Variants in DNAJC2 observed in about 807,000 individuals in gnomAD.
DNAJC2 encodes dnaJ homolog subfamily C member 2.
DNAJC2 carries 32 observed loss-of-function variants against 94.0 expected under a neutral mutation model. The ratio of observed to expected loss-of-function variants is 0.34; its 90% CI spans 0.26 to 0.46. DNAJC2 has a LOEUF of 0.46. Ranked by LOEUF, DNAJC2 falls within the 20% of genes least tolerant of loss-of-function variation. DNAJC2 has a pLI of 1.00. For synonymous variants in DNAJC2, 210 were observed against 229.7 expected (o/e 0.91, Z 0.77); for missense variants, 550 against 719.5 (o/e 0.76, Z 2.69).
At chr7:103,320,864 T>C (rs1818366864) in intron 10 of DNAJC2, 1 of 174,392 alleles carries the variant, frequency 5.7e-6, no homozygotes, top group South Asian at 1.5e-4. Context: ...ATGGAGACTC[T>C]GTCTTGTTTA....
rs762006007 is a variant in DNAJC2 at position 103,316,824 on chromosome 7, C to T, written c.1427+6G>A. The T allele has an allele frequency of 6.2e-7, 1 of 1,611,920 alleles. No individual in the cohort carries two copies. Among genetic ancestry groups the T allele is most frequent in the East Asian group, 2.2e-5 (1 of 44,834 alleles). ...AGTTGAAGAAAAGTTTCATTAAAAC[C>T]AGTACCTTGAATTTGTTCCAGCAGG... is the stretch of plus-strand genomic sequence containing the variant. On this transcript the variant is annotated splice_donor_region_variant and intron_variant, in intron 13 of 16. Transcript: ENST00000379263.
chr7:103,327,888 T>G (rs1321356292), intron 3 of DNAJC2, 134 bp from the exon 4 acceptor site: 2 of 558,132 alleles, frequency 3.6e-6, no homozygotes, highest in Non-Finnish European at 6.3e-6. Context: ...ATATGCTTAT[T>G]CAATGTGAAA....
At chr7:103,342,367 G>T (rs1198112511) in intron 1 of DNAJC2, among the ~76,000 whole-genome samples, 1 of 151,410 alleles carries the variant, frequency 6.6e-6, no homozygotes, top group African/African-American at 2.4e-5. Flanking sequence ...ATGCAATGGC[G>T]AGATCTCGGC....
intron 2 of DNAJC2, among the ~76,000 whole-genome samples, chr7:103,340,099 A>G (rs1819321942): frequency 6.6e-6 from 1 of 152,112 alleles, no homozygotes; most frequent in Non-Finnish European, 1.5e-5. Context: ...CAGCCTCCCA[A>G]AGTGCTGGGA....
intron 3 of DNAJC2, chr7:103,337,488 T>G: frequency 5.6e-6 from 2 of 358,678 alleles, no homozygotes; most frequent in Non-Finnish European, 1.0e-5. Flanking sequence ...AGGAGTATTT[T>G]GTATCCACAC....
intron 3 of DNAJC2, among the ~76,000 whole-genome samples, chr7:103,331,410 T>C (rs1441538655): frequency 6.6e-6 from 1 of 152,232 alleles, no homozygotes; most frequent in Non-Finnish European, 1.5e-5. Context: ...CAATACATCA[T>C]TGTTAACTAT....
intron 2 of DNAJC2, among the ~76,000 whole-genome samples, chr7:103,341,387 C>A (rs1473867754): frequency 6.6e-6 from 1 of 152,184 alleles, no homozygotes; most frequent in Admixed American, 6.5e-5. Context: ...TTTCTCATCA[C>A]CATACCGCAT....
At chr7:103,340,808 G>T (rs759802505) in intron 2 of DNAJC2, among the ~76,000 whole-genome samples, 8 of 152,100 alleles carry the variant, frequency 5.3e-5, no homozygotes, top group Non-Finnish European at 1.2e-4. Context: ...AAAGTCTTTG[G>T]CTGTAACCTC....
intron 3 of DNAJC2, 92 bp downstream of exon 3, chr7:103,337,644 T>C (rs1337026273): frequency 8.7e-6 from 9 of 1,029,626 alleles, no homozygotes; most frequent in Admixed American, 4.3e-5. Context: ...TAGTTATGGC[T>C]GCAGACTATG....
In DNAJC2 at chr7:103,322,622, G is replaced by A. The variant is rs1394329241; in HGVS notation, c.822C>T (p.Tyr274=). ...NRIRTLVDNA[Y]SCDPRIKKFK... is the part of the protein sequence containing the mutation. ...ACTTTTTTATCCTTGGATCACAGCT[G>A]TATGCATTGTCTAGCAAAAGAAAAA... The change falls in exon 9 of 17, where the codon TAC becomes TAT. Residue 274 remains tyrosine, a synonymous_variant. Coordinates refer to ENST00000379263, the MANE Select transcript of DNAJC2 (RefSeq NM_014377.3). 1.2e-6 allele frequency: 2 copies of A among 1,612,760 alleles called. No homozygotes were observed. The highest frequency in any genetic ancestry group is 4.5e-5 in the East Asian group (2 of 44,794).
chr7:103,342,282 T>C (rs906976893), intron 1 of DNAJC2, among the ~76,000 whole-genome samples: 4 of 152,136 alleles, frequency 2.6e-5, no homozygotes, highest in Admixed American at 2.6e-4. Flanking sequence ...ACTACTTTAC[T>C]TTTAGACAAA....
At chr7:103,340,406 T>C (rs1236588859) in intron 2 of DNAJC2, among the ~76,000 whole-genome samples, 1 of 152,262 alleles carries the variant, frequency 6.6e-6, no homozygotes, top group Non-Finnish European at 1.5e-5. Context: ...GTTTTATACA[T>C]ATGCTTTAGC....
intron 10 of DNAJC2, among the ~76,000 whole-genome samples, chr7:103,321,413 G>A (rs1258175086): frequency 6.6e-6 from 1 of 151,936 alleles, no homozygotes; most frequent in Non-Finnish European, 1.5e-5. Flanking sequence ...ATCTACTCAG[G>A]AGGCTGAGGC....
intron 3 of DNAJC2, among the ~76,000 whole-genome samples, chr7:103,331,950 A>G (rs1818991472): frequency 6.6e-6 from 1 of 151,988 alleles, no homozygotes; most frequent in Non-Finnish European, 1.5e-5. Context: ...CACAGTGGCT[A>G]TGCTAATTTA....
At chr7:103,323,131 T>C (rs1159916749) in intron 7 of DNAJC2, among the ~76,000 whole-genome samples, 3 of 152,178 alleles carry the variant, frequency 2.0e-5, no homozygotes, top group Non-Finnish European at 4.4e-5. Context: ...GGTTTCGCCA[T>C]GTTGGCCAGG....
At chr7:103,324,235 A>G (rs969321823) in intron 6 of DNAJC2, among the ~76,000 whole-genome samples, 1 of 152,204 alleles carries the variant, frequency 6.6e-6, no homozygotes, top group African/African-American at 2.4e-5. Flanking sequence ...CTAAATAAAA[A>G]TGTACTTATT....
At chr7:103,317,639 G>A (rs536696383) in intron 12 of DNAJC2, among the ~76,000 whole-genome samples, 72 of 152,056 alleles carry the variant, frequency 4.7e-4, no homozygotes, top group African/African-American at 1.7e-3. Flanking sequence ...CATTCATAGT[G>A]CAGGTTCTTT....
rs140750449 is a variant in DNAJC2, at chr7:103,312,744, T to A, written c.1792-101A>T. ...GAATTCAAGCAACTAAGATAGATAG[T>A]ACTAAATATACTGATTTCATTATCT... On this transcript the variant is annotated intron_variant, in intron 16 of 16. Coordinates refer to ENST00000379263, the MANE Select transcript of DNAJC2 (RefSeq NM_014377.3). 1.3e-3 allele frequency: 1,965 copies of A among 1,538,290 alleles called. 2 individuals carry two copies. The highest frequency in any genetic ancestry group is 1.6e-3 in the Non-Finnish European group (1,803 of 1,151,598).
At chr7:103,313,707 C>G in intron 15 of DNAJC2, 1 of 985,354 alleles carries the variant, frequency 1.0e-6, no homozygotes, top group Non-Finnish European at 1.2e-6. Flanking sequence ...TGAACACTTC[C>G]AATAACTGCT....
Sources: gnomAD v4.1 joint callset for allele counts (sites outside exome capture counted in the v4.1 genomes callset) on GRCh38, gnomAD v4.1.1 for gene constraint, MANE v1.5 for transcripts, NCBI Gene and HGNC (gene_info 2026-07-23, HGNC 2026-07-21) for gene names.